Variants in MESP1 observed in about 807,000 individuals in gnomAD.
The protein encoded by MESP1 is mesoderm posterior bHLH transcription factor 1, also known as mesoderm posterior protein 1.
Under a neutral mutation model 15.2 loss-of-function variants are expected in MESP1, and 22 were observed. The ratio of observed to expected loss-of-function variants is 1.45; its 90% CI spans 1.04 to 2.07. The LOEUF is 2.07. Among genes scored for constraint, MESP1 ranks in the 30% most tolerant of loss-of-function variants. The probability of loss-of-function intolerance (pLI) is 0.00; values close to 1 mark genes in which losing one functional copy is unlikely to be tolerated. For synonymous variants in MESP1, 216 were observed against 192.6 expected (o/e 1.12, Z -1.01); for missense variants, 484 against 411.9 (o/e 1.17, Z -1.51).
At chr15:89,744,389 C>G in the MESP1 span, among the ~76,000 whole-genome samples, 2 of 152,320 alleles carry the variant, frequency 1.3e-5, no homozygotes, top group East Asian at 3.9e-4. Context: ...AATATAGCCG[C>G]CAACATACCT....
At chr15:89,748,954 T>C (rs1190421416), downstream of MESP1, 2 of 152,150 alleles carry the variant, frequency 1.3e-5, no homozygotes, top group African/African-American at 4.8e-5. Flanking sequence ...TTTCAGACAC[T>C]TGAAGGAGAG....
At chr15:89,746,727 A>C, downstream of MESP1, among the ~76,000 whole-genome samples, 1 of 102,924 alleles carries the variant, frequency 9.7e-6, no homozygotes, top group Admixed American at 9.9e-5. Flanking sequence ...ACACAGCCCT[A>C]CCTCCCCACA....
At chr15:89,738,871 T>G in the MESP1 span, among the ~76,000 whole-genome samples, 1 of 152,078 alleles carries the variant, frequency 6.6e-6, no homozygotes, top group African/African-American at 2.4e-5. Flanking sequence ...TCCCAGCACT[T>G]TGGGAGGCCG....
the MESP1 span, among the ~76,000 whole-genome samples, chr15:89,744,419 A>G: frequency 5.3e-5 from 8 of 152,312 alleles, no homozygotes; most frequent in Non-Finnish European, 1.0e-4. Context: ...AATTCCCTCT[A>G]CACAGCAGGT....
At chr15:89,732,638 C>CACAT in the MESP1 span, among the ~76,000 whole-genome samples, 1 of 151,878 alleles carries the variant, frequency 6.6e-6, no homozygotes, top group Non-Finnish European at 1.5e-5. Flanking sequence ...CACACACACA[C>CACAT]ACACCGCCTT....
downstream of MESP1, among the ~76,000 whole-genome samples, chr15:89,748,304 C>A (rs145148821): frequency 6.6e-6 from 1 of 152,276 alleles, no homozygotes; most frequent in South Asian, 2.1e-4. Flanking sequence ...GGGTGACCCG[C>A]GGAGGTGTGA....
the MESP1 span, among the ~76,000 whole-genome samples, chr15:89,735,809 C>T: frequency 6.6e-6 from 1 of 152,158 alleles, no homozygotes; most frequent in African/African-American, 2.4e-5. Flanking sequence ...TTAATGGATG[C>T]ATGGAACAGA....
chr15:89,751,079 G>GGGGCTCGGCACT lies in MESP1; in HGVS notation c.152_153insAGTGCCGAGCCC (p.Val52_Ala53insProSerProVal). ...TGCCTGGCCGCGCGGGGCTCGCCAC[G>GGGGCTCGGCACT]GGGCTGTCGGCTGGGGTGCTGCCCC... is the stretch of plus-strand genomic sequence containing the variant. On this transcript the variant is annotated inframe_insertion, in exon 1 of 2. Coordinates refer to ENST00000300057, the MANE Select transcript of MESP1 (RefSeq NM_018670.4). 2 of 1,323,826 alleles carry GGGGCTCGGCACT rather than the reference G, an allele frequency of 1.5e-6. No homozygotes were observed. Among genetic ancestry groups the GGGGCTCGGCACT allele is most frequent in the African/African-American group, 1.5e-5 (1 of 65,690 alleles). 82.0% of individuals were successfully genotyped at this position (1,323,826 alleles called of 1,614,324 possible).
At chr15:89,745,456 C>T (rs566504229), downstream of MESP1, among the ~76,000 whole-genome samples, 21 of 152,204 alleles carry the variant, frequency 1.4e-4, no homozygotes, top group Non-Finnish European at 2.1e-4. The surrounding 1 kb of genome is among the most constrained non-coding windows in gnomAD (Gnocchi z 4.8). Context: ...GTGACAGACC[C>T]CATGGAAACA....
the MESP1 span, chr15:89,743,497 G>A: frequency 2.6e-4 from 275 of 1,067,604 alleles, 5 homozygotes; most frequent in South Asian, 3.2e-3. Context: ...AGCTCCACAG[G>A]CCTGCACTCG....
the MESP1 span, among the ~76,000 whole-genome samples, chr15:89,740,048 T>C: frequency 6.6e-6 from 1 of 152,116 alleles, no homozygotes; most frequent in Non-Finnish European, 1.5e-5. Context: ...TGTGCACCTG[T>C]GAGATGCCAG....
chr15:89,739,333 T>C, the MESP1 span, among the ~76,000 whole-genome samples: 1 of 152,162 alleles, frequency 6.6e-6, no homozygotes. Flanking sequence ...ACCTATAAAG[T>C]CTAAATTATT....
the MESP1 span, chr15:89,738,003 A>G: frequency 5.8e-6 from 9 of 1,562,764 alleles, no homozygotes; most frequent in Non-Finnish European, 7.8e-6. Context: ...TGAGAAAGCG[A>G]TTGTTACACA....
chr15:89,737,873 AG>A, the MESP1 span: 1 of 1,354,076 alleles, frequency 7.4e-7, no homozygotes, highest in Non-Finnish European at 1.0e-6. Flanking sequence ...CAGTCCTCAC[AG>A]GGCACTTAGA....
At chr15:89,740,473 T>C in the MESP1 span, among the ~76,000 whole-genome samples, 1 of 152,120 alleles carries the variant, frequency 6.6e-6, no homozygotes, top group Non-Finnish European at 1.5e-5. Context: ...TGTTCAACTA[T>C]TCTTCACAGG....
chr15:89,738,262 C>T, the MESP1 span: 1 of 1,554,216 alleles, frequency 6.4e-7, no homozygotes, highest in Non-Finnish European at 8.7e-7. Context: ...TCTTCACCCC[C>T]TCCCACATCT....
the MESP1 span, chr15:89,737,852 G>A: frequency 7.0e-7 from 1 of 1,429,290 alleles, no homozygotes; most frequent in Non-Finnish European, 9.5e-7. Context: ...AGGCCAAAGG[G>A]TACCGCAGCT....
chr15:89,745,765 A>G (rs1967927595), downstream of MESP1, among the ~76,000 whole-genome samples: 1 of 149,328 alleles, frequency 6.7e-6, no homozygotes, highest in Admixed American at 6.7e-5. The surrounding 1 kb of genome is among the most constrained non-coding windows in gnomAD (Gnocchi z 4.8). Flanking sequence ...CTCTGTGTCA[A>G]AAAAAAAAAG....
the MESP1 span, chr15:89,733,078 C>T: frequency 3.4e-5 from 55 of 1,614,052 alleles, no homozygotes; most frequent in South Asian, 4.7e-4. Context: ...AAATATTTCT[C>T]GGTCCACAAA....
Sources: gnomAD v4.1 joint callset for allele counts (sites outside exome capture counted in the v4.1 genomes callset) on GRCh38, gnomAD v4.1.1 for gene constraint, Gnocchi (gnomAD v3.1) non-coding constraint, MANE v1.5 for transcripts, NCBI Gene and HGNC (gene_info 2026-07-23, HGNC 2026-07-21) for gene names.